PREP: variants seen among roughly 807,000 people sequenced by gnomAD.
PREP encodes prolyl endopeptidase.
PREP carries 29 observed loss-of-function variants against 87.6 expected under a neutral mutation model. The ratio of observed to expected loss-of-function variants is 0.33; its 90% CI spans 0.25 to 0.45. The LOEUF is 0.45. PREP is among the 20% of genes least tolerant of loss of function. The pLI is 1.00. For synonymous variants in PREP, 337 were observed against 328.6 expected (o/e 1.03, Z -0.28); for missense variants, 695 against 886.5 (o/e 0.78, Z 2.74).
chr6:105,377,252 A>G (rs1772708118), intron 3 of PREP, 134 bp downstream of exon 3: 3 of 1,039,530 alleles, frequency 2.9e-6, no homozygotes, highest in Non-Finnish European at 1.4e-6. Flanking sequence ...TTACTCTCAT[A>G]TTCAGGCATA....
At chr6:105,320,007 T>C (rs562049335) in intron 10 of PREP, among the ~76,000 whole-genome samples, 1 of 152,382 alleles carries the variant, frequency 6.6e-6, no homozygotes, top group Non-Finnish European at 1.5e-5. Context: ...ATTTCCCTAT[T>C]ACTTCACTTT....
At chr6:105,331,369 T>A (rs1289670274) in intron 8 of PREP, among the ~76,000 whole-genome samples, 1 of 152,206 alleles carries the variant, frequency 6.6e-6, no homozygotes. Flanking sequence ...TAAGATGGGA[T>A]GTCACCTTAA....
chr6:105,382,053 C>T (rs1249984186), intron 2 of PREP, among the ~76,000 whole-genome samples: 2 of 151,266 alleles, frequency 1.3e-5, no homozygotes, highest in African/African-American at 2.4e-5. Flanking sequence ...AAGCCAGGCA[C>T]GGAAAGATGA....
At chr6:105,377,771 A>G (rs564927897) in intron 2 of PREP, among the ~76,000 whole-genome samples, 2 of 152,196 alleles carry the variant, frequency 1.3e-5, no homozygotes, top group African/African-American at 2.4e-5. Context: ...GGCAAGTATT[A>G]ACTTATTTAG....
chr6:105,347,186 AAC>A (rs1281618946), intron 7 of PREP, among the ~76,000 whole-genome samples: 1 of 152,194 alleles, frequency 6.6e-6, no homozygotes, highest in Non-Finnish European at 1.5e-5. Context: ...AAAGAAAGAA[AAC>A]AGAAGAGAGA....
At chr6:105,340,999 A>G (rs1019981389) in intron 7 of PREP, among the ~76,000 whole-genome samples, 2 of 152,354 alleles carry the variant, frequency 1.3e-5, no homozygotes, top group African/African-American at 4.8e-5. Context: ...AAAGTTAACA[A>G]GGATATCCAC....
rs779100440 is a variant in PREP, at chr6:105,278,478, A to T, written c.1839-40T>A. The T allele has an allele frequency of 6.4e-7, 1 of 1,572,390 alleles. No homozygotes were observed. The highest frequency in any genetic ancestry group is 8.7e-7 in the Non-Finnish European group (1 of 1,151,092). On this transcript the variant is annotated intron_variant, in intron 14 of 14. Transcript: ENST00000652536. This position sits in a 1 kb window ranked among gnomAD's most constrained non-coding sequence, Gnocchi z 4.2. The stretch of plus-strand genomic sequence containing the variant: ...CACCTTTGTGAGGCTGGAGAGCAAC[A>T]GTAGAGTTTTATGGCACAGGGACCT...
At chr6:105,296,613 C>T (rs1426737989) in intron 10 of PREP, among the ~76,000 whole-genome samples, 1 of 152,172 alleles carries the variant, frequency 6.6e-6, no homozygotes, top group Non-Finnish European at 1.5e-5. Flanking sequence ...AACTATTATA[C>T]ACCATTTATT....
chr6:105,307,135 T>C (rs984475012), intron 10 of PREP, among the ~76,000 whole-genome samples: 10 of 152,256 alleles, frequency 6.6e-5, no homozygotes, highest in African/African-American at 2.4e-4. Flanking sequence ...ACTTTGGATT[T>C]ATTTTCTTCA....
In PREP at chr6:105,278,305, A is replaced by G; in HGVS notation, c.1972T>C (p.Tyr658His). 1 of 1,614,138 alleles carries G rather than the reference A, an allele frequency of 6.2e-7. No homozygotes were observed. The change falls in exon 15 of 15, where the codon TAC becomes CAC. Residue 658 changes from tyrosine (Y) to histidine (H), a missense_variant. Coordinates refer to ENST00000652536, the MANE Select transcript of PREP (RefSeq NM_002726.5). This position sits in a 1 kb window ranked among gnomAD's most constrained non-coding sequence, Gnocchi z 4.2. ...HSLKFIATLQ[Y>H]IVGRSRKQSN... The stretch of plus-strand genomic sequence containing the variant: ...TGCTTCCTGCTGCGGCCCACGATGT[A>G]CTGAAGGGTGGCAATGAACTTCAGG...
rs1769890312 is a variant in PREP, at chr6:105,274,207, G to C, written c.*3937C>G. On this transcript the variant is annotated 3_prime_UTR_variant, in exon 15 of 15. Transcript: ENST00000652536. ...AGAGTCTGGGACATCTAAGATCAAG[G>C]CACTGGCAGATTTGGTGTCTAATGA... is the stretch of plus-strand genomic sequence containing the variant. Among the ~76,000 whole-genome samples, 1 of 151,982 alleles carries C rather than the reference G, an allele frequency of 6.6e-6. No individual in the cohort carries two copies. The highest frequency in any genetic ancestry group is 1.9e-4 in the East Asian group (1 of 5,174).
intron 7 of PREP, among the ~76,000 whole-genome samples, chr6:105,351,580 C>T (rs66483059): frequency 0.36 from 54,901 of 152,118 alleles, 13,885 homozygotes; most frequent in African/African-American, 0.72. Context: ...AATATTATTA[C>T]GCCTTATTAA....
chr6:105,315,445 A>G (rs1770842132), intron 10 of PREP, among the ~76,000 whole-genome samples: 1 of 152,190 alleles, frequency 6.6e-6, no homozygotes. Context: ...CATTGGGATG[A>G]CAGGCATGAG....
intron 10 of PREP, chr6:105,322,338 T>C (rs1771032667): frequency 2.2e-6 from 2 of 924,828 alleles, no homozygotes; most frequent in African/African-American, 1.8e-5. Context: ...AGATCTTGAA[T>C]ATACCTTATC....
At position 105,278,036 on chromosome 6, in the gene PREP, A is replaced by T. The variant is rs1769983626; in HGVS notation, c.*108T>A. ...CTGTTCAACTGTAGCCTGTGAGTGC[A>T]GGAATAATGTTCCCGTGGGGAAGCA... On this transcript the variant is annotated 3_prime_UTR_variant, in exon 15 of 15. Coordinates refer to ENST00000652536, the MANE Select transcript of PREP (RefSeq NM_002726.5). The surrounding 1 kb of genome is among the most constrained non-coding windows in gnomAD (Gnocchi z 4.2). 3 of 1,378,860 alleles carry T rather than the reference A, an allele frequency of 2.2e-6. No individual in the cohort carries two copies. The highest frequency in any genetic ancestry group is 3.0e-6 in the Non-Finnish European group (3 of 1,005,046). 85.4% of individuals were successfully genotyped at this position (1,378,860 alleles called of 1,614,324 possible). A position where few individuals can be genotyped will look rare whatever the true frequency, so the allele number is the denominator to read the frequency against.
In PREP at chr6:105,278,038, G is replaced by A; in HGVS notation, c.*106C>T. The A allele has an allele frequency of 1.4e-6, 2 of 1,400,578 alleles. No homozygotes were observed. The highest frequency in any genetic ancestry group is 2.0e-6 in the Non-Finnish European group (2 of 1,021,824). The allele number at this position is 1,400,578 out of a possible 1,614,324, so 86.8% of individuals were successfully genotyped here. A position where few individuals can be genotyped will look rare whatever the true frequency, so the allele number is the denominator to read the frequency against. On this transcript the variant is annotated 3_prime_UTR_variant, in exon 15 of 15. Transcript: ENST00000652536. The surrounding 1 kb of genome is among the most constrained non-coding windows in gnomAD (Gnocchi z 4.2). ...GTTCAACTGTAGCCTGTGAGTGCAG[G>A]AATAATGTTCCCGTGGGGAAGCATT... is the stretch of plus-strand genomic sequence containing the variant.
intron 9 of PREP, among the ~76,000 whole-genome samples, chr6:105,325,761 G>C (rs749457228): frequency 6.6e-6 from 1 of 152,206 alleles, no homozygotes; most frequent in Non-Finnish European, 1.5e-5. Flanking sequence ...TAAGAACAAG[G>C]AAGGTGGGGT....
chr6:105,319,060 C>T (rs1770942604), intron 10 of PREP, among the ~76,000 whole-genome samples: 1 of 152,208 alleles, frequency 6.6e-6, no homozygotes, highest in African/African-American at 2.4e-5. Context: ...CCCACTCCCT[C>T]CACCCCAAGG....
intron 2 of PREP, among the ~76,000 whole-genome samples, chr6:105,383,972 G>C (rs1372822913): frequency 1.3e-5 from 2 of 152,040 alleles, no homozygotes; most frequent in Non-Finnish European, 1.5e-5. Flanking sequence ...TATCAATGAG[G>C]AAATCCAAAC....
Sources: allele counts gnomAD v4.1 joint callset (sites outside exome capture counted in the v4.1 genomes callset), GRCh38; gene constraint gnomAD v4.1.1; non-coding constraint Gnocchi (gnomAD v3.1); transcripts MANE v1.5; gene names NCBI Gene and HGNC (gene_info 2026-07-23, HGNC 2026-07-21).